Variants in SANBR observed in about 807,000 individuals in gnomAD.
SANBR encodes SANT and BTB domain regulator of class switch recombination.
Under a neutral mutation model 101.8 loss-of-function variants are expected in SANBR, and 77 were observed. That is an observed-to-expected ratio of 0.76 (90% CI 0.63 to 0.91). SANBR has a LOEUF of 0.91. Ranked by LOEUF, SANBR falls within the 40% of genes least tolerant of loss-of-function variation. The pLI is 0.00. For synonymous variants in SANBR, 279 were observed against 274.7 expected (o/e 1.02, Z -0.15); for missense variants, 875 against 853.0 (o/e 1.03, Z -0.32).
At chr2:61,067,069 G>A (rs993200993) in intron 1 of SANBR, among the ~76,000 whole-genome samples, 2 of 151,994 alleles carry the variant, frequency 1.3e-5, no homozygotes, top group Non-Finnish European at 2.9e-5. Flanking sequence ...CAGCTATTTC[G>A]AGATAATTTA....
chr2:61,093,976 AT>A (rs1682905259), intron 11 of SANBR: 1 of 333,102 alleles, frequency 3.0e-6, no homozygotes, highest in Non-Finnish European at 4.3e-6. Flanking sequence ...TTTCTTTTGA[AT>A]CCCTAAAGTT....
intron 17 of SANBR, chr2:61,117,088 T>A (rs1386972807): frequency 6.5e-6 from 3 of 464,054 alleles, no homozygotes; most frequent in African/African-American, 2.0e-5. Flanking sequence ...AAGCTGGGAT[T>A]CCAAGGTTAA....
intron 5 of SANBR, among the ~76,000 whole-genome samples, chr2:61,076,365 C>T (rs1377141214): frequency 1.3e-5 from 2 of 149,268 alleles, no homozygotes; most frequent in Non-Finnish European, 3.0e-5. Context: ...CGCCTGTAAT[C>T]CCAGCACTTT....
chr2:61,072,821 C>CTTTTTTTTTTTTTTTTTTTTT (rs70959893), intron 4 of SANBR, among the ~76,000 whole-genome samples: 5 of 31,662 alleles, frequency 1.6e-4, no homozygotes, highest in African/African-American at 4.0e-4. Flanking sequence ...TCTCATGTTA[C>CTTTTTTTTTTTTTTTTTTTTT]TTTTTTTTTT....
At chr2:61,109,963 C>T (rs998933053) in intron 16 of SANBR, among the ~76,000 whole-genome samples, 3 of 151,960 alleles carry the variant, frequency 2.0e-5, no homozygotes, top group Non-Finnish European at 2.9e-5. Flanking sequence ...GAGAGCATGG[C>T]TATTGTACAA....
intron 1 of SANBR, among the ~76,000 whole-genome samples, chr2:61,066,652 G>A (rs1681186620): frequency 6.6e-6 from 1 of 152,218 alleles, no homozygotes; most frequent in Admixed American, 6.5e-5. Context: ...CCTGCCCCAC[G>A]GGGCCCCCTC....
chr2:61,071,818 A>G (rs760655496), intron 4 of SANBR, 26 bp downstream of exon 4: 1 of 1,443,812 alleles, frequency 6.9e-7, no homozygotes, highest in East Asian at 2.4e-5. Context: ...AAAATGTAGT[A>G]CTTGCCCTTA....
intron 12 of SANBR, among the ~76,000 whole-genome samples, chr2:61,098,848 T>G (rs1484082136): frequency 6.6e-6 from 1 of 152,212 alleles, no homozygotes; most frequent in Admixed American, 6.5e-5. Context: ...TTTATGCCTT[T>G]ATGGAACTTA....
At chr2:61,087,130 AAC>A (rs1407762276) in intron 8 of SANBR, among the ~76,000 whole-genome samples, 1 of 152,208 alleles carries the variant, frequency 6.6e-6, no homozygotes, top group East Asian at 1.9e-4. Context: ...TGGACATACT[AAC>A]CACACTTTAT....
At position 61,088,420 on chromosome 2, in the gene SANBR, G is replaced by A. The variant is rs201146700; in HGVS notation, c.1040G>A (p.Gly347Glu). ...GAAAGAAGAATTCCTTGCATTCCTGGAAAAATCAATGTGGATCGACGTGGA... is the reference window on the plus strand; with the variant it reads ...GAAAGAAGAATTCCTTGCATTCCTGAAAAAATCAATGTGGATCGACGTGGA... The part of the protein sequence containing the change: ...ETERRIPCIP[G>E]KINVDRRGNI... The change falls in exon 10 of 22, where the codon GGA (glycine) becomes GAA (glutamate). Residue 347 changes from glycine to glutamate, a missense_variant. Transcript: ENST00000402291. The A allele has an allele frequency of 1.3e-5, 21 of 1,608,882 alleles. No homozygotes were observed. In the South Asian group the frequency reaches 2.3e-4, roughly 18 times the overall value.
chr2:61,092,908 C>T (rs567145601), intron 11 of SANBR, among the ~76,000 whole-genome samples: 3 of 151,512 alleles, frequency 2.0e-5, no homozygotes, highest in Non-Finnish European at 4.4e-5. Flanking sequence ...CCGAGGTGGG[C>T]GGATCACGAG....
exon 21 of SANBR, chr2:61,134,199 C>T (rs762193642): frequency 1.2e-6 from 2 of 1,612,602 alleles, no homozygotes; most frequent in Non-Finnish European, 8.5e-7. Context: ...GTGGTTTGAG[C>T]AGTGTGCTCT....
chr2:61,134,099 T>C, intron 20 of SANBR: 1 of 1,609,092 alleles, frequency 6.2e-7, no homozygotes, highest in Non-Finnish European at 8.5e-7. Flanking sequence ...TGTATATCCA[T>C]CATGCATAGG....
At position 61,083,184 on chromosome 2, in the gene SANBR, AAT is replaced by A. The variant is rs1436818610; in HGVS notation, c.763_764del (p.Met255GlufsTer14). The part of the protein sequence containing the change: ...VEQCIQYCHK[N>X]MNAIVATPCN... ...ACAGTGTATTCAGTATTGCCACAAAAATATGAATGCCATAGTAGCTACCCCAT... is the reference window on the plus strand; with the variant it reads ...ACAGTGTATTCAGTATTGCCACAAAAATGAATGCCATAGTAGCTACCCCAT... On this transcript the variant is annotated frameshift_variant, in exon 8 of 22. Coordinates refer to ENST00000402291, the MANE Select transcript of SANBR (RefSeq NM_001129993.3). LOFTEE classifies it high-confidence loss of function. 6.2e-7 allele frequency: 1 copy of A among 1,612,838 alleles called. No individual in the cohort carries two copies. The highest frequency in any genetic ancestry group is 8.5e-7 in the Non-Finnish European group (1 of 1,179,228).
rs1683572406 is a variant in SANBR at position 61,106,459 on chromosome 2, A to G, written c.1512-104A>G. On this transcript the variant is annotated intron_variant, in intron 13 of 21. Coordinates refer to ENST00000402291, the MANE Select transcript of SANBR (RefSeq NM_001129993.3). ...TGATATCCTTATACTCAGGAACTGT[A>G]TTTCTAAAAAGCGATTTTTGAAACA... 30 of 718,562 alleles carry G rather than the reference A, an allele frequency of 4.2e-5. No homozygotes were observed. In the South Asian group the frequency reaches 5.1e-4, roughly 12 times the overall value. The allele number at this position is 718,562 out of a possible 1,614,324, so 44.5% of individuals were successfully genotyped here.
rs1684392043 is a variant in SANBR, at chr2:61,122,930, GA to G, written c.*769del. The G allele has an allele frequency of 9.1e-6, 9 of 985,328 alleles. No individual in the cohort carries two copies. In the South Asian group the frequency reaches 2.8e-4, roughly 31 times the overall value. 61.0% of individuals were successfully genotyped at this position (985,328 alleles called of 1,614,324 possible). On this transcript the variant is annotated 3_prime_UTR_variant, in exon 22 of 22. Transcript: ENST00000402291. The stretch of plus-strand genomic sequence containing the variant: ...GGATAGTAAATCATTTCTGTTATAT[GA>G]GACACCCACTGTACAGTTCTCAGGG...
At position 61,076,952 on chromosome 2, in the gene SANBR, C is replaced by CA; in HGVS notation, c.470dup (p.Asn157LysfsTer22). The CA allele has an allele frequency of 6.2e-7, 1 of 1,613,838 alleles. No homozygotes were observed. Among genetic ancestry groups the CA allele is most frequent in the South Asian group, 1.1e-5 (1 of 91,046 alleles). ...ATGGTGATCCATGTGTGTGATGAAG[C>CA]AAAAAACTTGAAAGAAGATTTTACT... On this transcript the variant is annotated frameshift_variant, in exon 6 of 22. Coordinates refer to ENST00000402291, the MANE Select transcript of SANBR (RefSeq NM_001129993.3). LOFTEE classifies it high-confidence loss of function.
chr2:61,132,591 C>T lies in SANBR; in HGVS notation c.2029-1546C>T, dbSNP rs71420389. ...ATGGGAATGTAAAATAATGCAGCCA[C>T]TTTGAAAAGCCACCTGTCAGCTCTT... On this transcript the variant is annotated intron_variant, in intron 20 of 21. Transcript: ENST00000295031. 2.4e-3 allele frequency among the ~76,000 whole-genome samples: 364 copies of T among 152,310 alleles called. 1 individual carries two copies. The highest frequency in any genetic ancestry group is 4.3e-3 in the Non-Finnish European group (294 of 68,028).
At chr2:61,116,138 A>T (rs1189192586) in intron 17 of SANBR, 68 bp downstream of exon 17, 2 of 1,126,318 alleles carry the variant, frequency 1.8e-6, no homozygotes, top group East Asian at 4.8e-5. Context: ...GCCAGAAAAA[A>T]ATAAAAAGAG....
Sources: gnomAD v4.1 joint callset for allele counts (sites outside exome capture counted in the v4.1 genomes callset) on GRCh38, gnomAD v4.1.1 for gene constraint, MANE v1.5 for transcripts, NCBI Gene and HGNC (gene_info 2026-07-23, HGNC 2026-07-21) for gene names.